The following SPNS3 variants were observed in gnomAD, a reference collection of about 807,000 sequenced individuals.
SPNS3 encodes SPNS lysolipid transporter 3, sphingosine-1-phosphate (putative).
A neutral mutation model predicts 54.4 loss-of-function variants in SPNS3; 51 were observed. That is an observed-to-expected ratio of 0.94 (90% confidence interval 0.75 to 1.18). The LOEUF is 1.18. Among genes scored for constraint, SPNS3 ranks in the 50% most tolerant of loss-of-function variants. The pLI is 0.00. For synonymous variants in SPNS3, 309 were observed against 294.7 expected (o/e 1.05, Z -0.50); for missense variants, 669 against 677.4 (o/e 0.99, Z 0.14).
At chr17:4,450,725 T>G (rs1160034119) in intron 7 of SPNS3, among the ~76,000 whole-genome samples, 1 of 151,244 alleles carries the variant, frequency 6.6e-6, no homozygotes, top group Non-Finnish European at 1.5e-5. Context: ...GCCTCCCGAG[T>G]AGCTAAGATT....
intron 8 of SPNS3, among the ~76,000 whole-genome samples, chr17:4,476,646 A>G (rs1972009408): frequency 6.6e-6 from 1 of 152,118 alleles, no homozygotes; most frequent in African/African-American, 2.4e-5. Context: ...GTGGATCCGC[A>G]GCTGCCCGGG....
In SPNS3 at chr17:4,447,134, G is replaced by A. The variant is rs539158568; in HGVS notation, c.621+172G>A. The stretch of plus-strand genomic sequence containing the variant: ...TGTGGGGCCTCATAGGGAGCATGGG[G>A]TGTGGAAGTGGTGGCCGTGGGCTCA... On this transcript the variant is annotated intron_variant, in intron 5 of 11. Transcript: ENST00000355530. 3.9e-5 allele frequency among the ~76,000 whole-genome samples: 6 copies of A among 152,324 alleles called. 1 individual carries two copies. The highest frequency in any genetic ancestry group is 6.8e-3 in the Middle Eastern group (2 of 294).
At chr17:4,436,107 T>A (rs1428890293) in intron 1 of SPNS3, among the ~76,000 whole-genome samples, 2 of 152,098 alleles carry the variant, frequency 1.3e-5, no homozygotes, top group African/African-American at 4.8e-5. Context: ...AATGACCATC[T>A]CATGGGGCAG....
chr17:4,441,800 G>GC lies in SPNS3; in HGVS notation c.265+2077_265+2078insC, dbSNP rs200255908. Among the ~76,000 whole-genome samples, 6 of 90,612 alleles carry GC rather than the reference G, an allele frequency of 6.6e-5. No individual in the cohort carries two copies. In the East Asian group the frequency reaches 1.1e-3, roughly 16 times the overall value. 59.4% of individuals were successfully genotyped at this position (90,612 alleles called of 152,430 possible). A position where few individuals can be genotyped will look rare whatever the true frequency, so the allele number is the denominator to read the frequency against. ...TTAATAGAGATGGTGGGGGTGTGTT[G>GC]GGGGGGGTCTCACCATGTTGGCCAG... On this transcript the variant is annotated intron_variant, in intron 2 of 11. Transcript: ENST00000355530.
rs537780171 is a variant in SPNS3, at chr17:4,437,853, C to T, written c.200-1805C>T. 2.9e-3 allele frequency among the ~76,000 whole-genome samples: 428 copies of T among 150,080 alleles called. 4 individuals carry two copies. The highest frequency in any genetic ancestry group is 3.1e-3 in the Non-Finnish European group (212 of 67,658). On this transcript the variant is annotated intron_variant, in intron 1 of 11. Transcript: ENST00000355530. ...CCAGGCTGGAGTGCAGTGGCATGAT[C>T]TCAGCTCACTGCAACCTCCGCCTCC...
At chr17:4,438,966 A>G (rs1440632092) in intron 1 of SPNS3, among the ~76,000 whole-genome samples, 1 of 142,314 alleles carries the variant, frequency 7.0e-6, no homozygotes, top group Non-Finnish European at 1.6e-5. Flanking sequence ...GTGTGTGTGT[A>G]TTTGTGCCTC....
intron 8 of SPNS3, among the ~76,000 whole-genome samples, chr17:4,472,774 C>CTTT (rs375118697): frequency 2.7e-3 from 135 of 50,942 alleles, no homozygotes; most frequent in African/African-American, 3.9e-3. Context: ...GCTTGGCAGC[C>CTTT]TTTTTTTTTT....
intron 2 of SPNS3, among the ~76,000 whole-genome samples, chr17:4,443,839 G>A (rs976563335): frequency 3.3e-5 from 5 of 152,236 alleles, no homozygotes; most frequent in African/African-American, 9.6e-5. Flanking sequence ...AGTGGCCCAC[G>A]CCTGTAACCC....
chr17:4,443,340 G>A (rs949162756), intron 2 of SPNS3, among the ~76,000 whole-genome samples: 1 of 152,132 alleles, frequency 6.6e-6, no homozygotes, highest in Non-Finnish European at 1.5e-5. Flanking sequence ...CAAAGTGCTG[G>A]GATTACAGGC....
Position 4,483,923 on chromosome 17 carries a change from G to A in SPNS3, c.1180-2305G>A, listed in dbSNP as rs117121770. Among the ~76,000 whole-genome samples the A allele has an allele frequency of 0.014, 2,165 of 152,238 alleles. 23 individuals are homozygous for A. Among genetic ancestry groups the A allele is most frequent in the Non-Finnish European group, 0.021 (1,437 of 67,998 alleles). ...CCTGGGATCCTCCCTCCACACCGTC[G>A]CTTACACTGTCCCCTGCCTGGAATG... On this transcript the variant is annotated intron_variant, in intron 9 of 11. Coordinates refer to ENST00000355530, the MANE Select transcript of SPNS3 (RefSeq NM_182538.5). The surrounding 1 kb of genome is among the most constrained non-coding windows in gnomAD (Gnocchi z 4.2).
chr17:4,487,743 C>T, intron 11 of SPNS3, 63 bp from the exon 12 acceptor site: 2 of 1,496,936 alleles, frequency 1.3e-6, no homozygotes, highest in Non-Finnish European at 9.3e-7. Context: ...TGCCCAGGCC[C>T]AGGCCTGGTC....
intron 8 of SPNS3, among the ~76,000 whole-genome samples, chr17:4,471,241 C>T (rs895522545): frequency 1.3e-5 from 2 of 151,738 alleles, no homozygotes; most frequent in African/African-American, 4.8e-5. Context: ...GCTCTTTAAG[C>T]ATCATCCTTG....
intron 8 of SPNS3, among the ~76,000 whole-genome samples, chr17:4,459,750 G>T (rs1971445820): frequency 6.6e-6 from 1 of 151,552 alleles, no homozygotes; most frequent in African/African-American, 2.4e-5. Context: ...CGTAGATATA[G>T]CAGTGAATAA....
At position 4,473,927 on chromosome 17, in the gene SPNS3, C is replaced by T. The variant is rs1398083328; in HGVS notation, c.1114-4645C>T. On this transcript the variant is annotated intron_variant, in intron 8 of 11. Transcript: ENST00000355530. ...GAGCTCCCCAACTCTGGGAAGCGTTCCTACCACTTCCCAGACTTGGCCCTT... is the reference window on the plus strand; with the variant it reads ...GAGCTCCCCAACTCTGGGAAGCGTTTCTACCACTTCCCAGACTTGGCCCTT... Among the ~76,000 whole-genome samples the T allele has an allele frequency of 2.6e-5, 4 of 152,072 alleles. No homozygotes were observed. In the South Asian group the frequency reaches 6.2e-4, roughly 24 times the overall value.
At chr17:4,443,408 G>A (rs1338741687) in intron 2 of SPNS3, among the ~76,000 whole-genome samples, 2 of 152,180 alleles carry the variant, frequency 1.3e-5, no homozygotes, top group African/African-American at 4.8e-5. Context: ...AAGAAGATAT[G>A]CATAAACAAG....
At chr17:4,475,430 C>G (rs1379566581) in intron 8 of SPNS3, among the ~76,000 whole-genome samples, 1 of 152,192 alleles carries the variant, frequency 6.6e-6, no homozygotes, top group Non-Finnish European at 1.5e-5. Flanking sequence ...GAGGAAGAGG[C>G]AGATTCGAGG....
At position 4,486,816 on chromosome 17, in the gene SPNS3, A is replaced by G. The variant is rs1972331490; in HGVS notation, c.1450+233A>G. The stretch of plus-strand genomic sequence containing the variant: ...GTTGGTGAAGACAGACCAGAAACAG[A>G]AAAGGTTAAAGATATAGCATGTTCA... On this transcript the variant is annotated intron_variant, in intron 11 of 11. Coordinates refer to ENST00000355530, the MANE Select transcript of SPNS3 (RefSeq NM_182538.5). The surrounding 1 kb of genome is among the most constrained non-coding windows in gnomAD (Gnocchi z 5.5). Among the ~76,000 whole-genome samples, 1 of 152,278 alleles carries G rather than the reference A, an allele frequency of 6.6e-6. No individual in the cohort carries two copies. The highest frequency in any genetic ancestry group is 1.9e-4 in the East Asian group (1 of 5,184).
Position 4,447,315 on chromosome 17 carries a change from G to A in SPNS3, c.621+353G>A, listed in dbSNP as rs904478108. On this transcript the variant is annotated intron_variant, in intron 5 of 11. Transcript: ENST00000355530. ...GAGAGATGGAAGTTCCAAGCCGCAG[G>A]GTCAGGGTGTAGAGTAGGCCCTTGA... Among the ~76,000 whole-genome samples the A allele has an allele frequency of 3.3e-5, 5 of 152,232 alleles. No individual in the cohort carries two copies. The East Asian group carries it at 5.8e-4, about 18-fold the overall frequency.
In SPNS3 at chr17:4,453,286, G is replaced by C. The variant is rs954248163; in HGVS notation, c.1113+81G>C. On this transcript the variant is annotated intron_variant, in intron 8 of 11. Coordinates refer to ENST00000355530, the MANE Select transcript of SPNS3 (RefSeq NM_182538.5). Reference sequence around the variant, plus strand: ...TTTCCACAGGCTCATGCTGCGCCCGGCCTTTATGTACAATTATGTTGATCA... The same window carrying C: ...TTTCCACAGGCTCATGCTGCGCCCGCCCTTTATGTACAATTATGTTGATCA... 138 of 1,333,658 alleles carry C rather than the reference G, an allele frequency of 1.0e-4. No individual in the cohort carries two copies. The African/African-American group carries it at 1.8e-3, about 18-fold the overall frequency. 82.6% of individuals were successfully genotyped at this position (1,333,658 alleles called of 1,614,324 possible).
Sources: allele counts gnomAD v4.1 joint callset (sites outside exome capture counted in the v4.1 genomes callset), GRCh38; gene constraint gnomAD v4.1.1; non-coding constraint Gnocchi (gnomAD v3.1); transcripts MANE v1.5; gene names NCBI Gene and HGNC (gene_info 2026-07-23, HGNC 2026-07-21).